APOBEC4: variants seen among roughly 807,000 people sequenced by gnomAD.
APOBEC4 encodes the protein apolipoprotein B mRNA editing enzyme catalytic polypeptide like 4, also known as putative deaminase APOBEC-4.
For synonymous variants in APOBEC4, 141 were observed against 154.2 expected (o/e 0.91, Z 0.63); for missense variants, 375 against 441.2 (o/e 0.85, Z 1.34).
chr1:183,650,281 C>T (rs1240074924), intron 1 of APOBEC4, among the ~76,000 whole-genome samples: 3 of 151,926 alleles, frequency 2.0e-5, no homozygotes, highest in Admixed American at 6.5e-5. Context: ...TGGTGGCTCA[C>T]GCCTATAATC....
chr1:183,649,170 T>C (rs1218124085), intron 1 of APOBEC4, among the ~76,000 whole-genome samples: 1 of 152,246 alleles, frequency 6.6e-6, no homozygotes, highest in Non-Finnish European at 1.5e-5. Flanking sequence ...CACAGATTCC[T>C]TGTCTGTAAA....
At chr1:183,650,108 C>G (rs1442562810) in intron 1 of APOBEC4, among the ~76,000 whole-genome samples, 1 of 152,174 alleles carries the variant, frequency 6.6e-6, no homozygotes, top group African/African-American at 2.4e-5. Context: ...CCACCATGTC[C>G]AGCCTTCCGT....
chr1:183,649,879 A>C (rs1047295387), intron 1 of APOBEC4, among the ~76,000 whole-genome samples: 5 of 152,164 alleles, frequency 3.3e-5, no homozygotes, highest in Admixed American at 2.0e-4. Flanking sequence ...TGAGATGATC[A>C]TGGCTCACTG....
At chr1:183,652,869 G>T (rs909493236) in intron 1 of APOBEC4, among the ~76,000 whole-genome samples, 1 of 152,208 alleles carries the variant, frequency 6.6e-6, no homozygotes, top group Non-Finnish European at 1.5e-5. Context: ...CCTGGACTGG[G>T]ACCGTGGGAG....
intron 1 of APOBEC4, among the ~76,000 whole-genome samples, chr1:183,651,397 T>G (rs1650740621): frequency 6.6e-6 from 1 of 152,222 alleles, no homozygotes; most frequent in Non-Finnish European, 1.5e-5. Flanking sequence ...TGGCCTCTCA[T>G]ATGGAAGTGC....
Position 183,648,080 on chromosome 1 carries a change from G to A in APOBEC4, c.702C>T (p.Gly234=), listed in dbSNP as rs576673661. 13 of 1,614,086 alleles carry A rather than the reference G, an allele frequency of 8.1e-6. No individual in the cohort carries two copies. Among genetic ancestry groups the A allele is most frequent in the South Asian group, 4.4e-5 (4 of 91,088 alleles). ...GAACATCAGTGAAGTAAGGTTTTACGCCTGTTATGGCATTGATTTCATATG... is the reference window on the plus strand; with the variant it reads ...GAACATCAGTGAAGTAAGGTTTTACACCTGTTATGGCATTGATTTCATATG... ...HNAYEINAIT[G]VKPYFTDVLL... Residue 234 remains glycine (G), a synonymous_variant, in exon 2 of 2, where the codon GGC becomes GGT. Coordinates refer to ENST00000308641, the MANE Select transcript of APOBEC4 (RefSeq NM_203454.3).
At chr1:183,652,815 G>A (rs151007730) in intron 1 of APOBEC4, among the ~76,000 whole-genome samples, 1 of 151,846 alleles carries the variant, frequency 6.6e-6, no homozygotes, top group East Asian at 1.9e-4. Flanking sequence ...GATGTGTAGA[G>A]CCCAGCGTGC....
chr1:183,648,402 C>T lies in APOBEC4; in HGVS notation c.380G>A (p.Cys127Tyr). The T allele has an allele frequency of 6.2e-7, 1 of 1,614,190 alleles. No individual in the cohort carries two copies. The highest frequency in any genetic ancestry group is 8.5e-7 in the Non-Finnish European group (1 of 1,180,036). ...GATGCAGCAGTGGTTAGCTTCATTA[C>T]AAGGGGAGTTGTTGGAATACAGAAT... Reference protein sequence around the residue: ...HIILYSNNSPCNEANHCCISK... With the variant: ...HIILYSNNSPYNEANHCCISK... Residue 127 changes from cysteine to tyrosine, a missense_variant, in exon 2 of 2, where the codon TGT becomes TAT. Physicochemically the swap from Cys to Tyr is radical, Grantham distance 194. Transcript: ENST00000308641.
chr1:183,647,011 C>A lies in APOBEC4; in HGVS notation c.*667G>T, dbSNP rs1484433574. 1.3e-5 allele frequency: 2 copies of A among 152,194 alleles called. No individual in the cohort carries two copies. Among genetic ancestry groups the A allele is most frequent in the Non-Finnish European group, 2.9e-5 (2 of 68,046 alleles). The allele number at this position is 152,194 out of a possible 1,614,324, so 9.4% of individuals were successfully genotyped here. On this transcript the variant is annotated 3_prime_UTR_variant, in exon 2 of 2. Transcript: ENST00000308641. ...TTGGATTTTATACAGTATGTGATGACAGGAGCCATTGGAGGTTCTCATGTA... is the reference window on the plus strand; with the variant it reads ...TTGGATTTTATACAGTATGTGATGAAAGGAGCCATTGGAGGTTCTCATGTA...
chr1:183,651,587 T>C (rs927415700), intron 1 of APOBEC4, among the ~76,000 whole-genome samples: 33 of 152,232 alleles, frequency 2.2e-4, no homozygotes, highest in Non-Finnish European at 2.1e-4. Context: ...GTCACCATTA[T>C]CTTAGTGGCT....
intron 1 of APOBEC4, among the ~76,000 whole-genome samples, chr1:183,649,280 G>C (rs1650544467): frequency 6.6e-6 from 1 of 152,198 alleles, no homozygotes; most frequent in South Asian, 2.1e-4. Context: ...ACATAGTAAG[G>C]ACTCAGTAAA....
At chr1:183,649,291 T>C (rs1423087151) in intron 1 of APOBEC4, among the ~76,000 whole-genome samples, 1 of 152,258 alleles carries the variant, frequency 6.6e-6, no homozygotes, top group Admixed American at 6.5e-5. Flanking sequence ...ACTCAGTAAA[T>C]ATTAACTCTT....
At position 183,647,178 on chromosome 1, in the gene APOBEC4, C is replaced by T. The variant is rs1211212933; in HGVS notation, c.*500G>A. 3 of 152,838 alleles carry T rather than the reference C, an allele frequency of 2.0e-5. No homozygotes were observed. The highest frequency in any genetic ancestry group is 1.9e-4 in the Admixed American group (3 of 15,398). The allele number at this position is 152,838 out of a possible 1,614,324, so 9.5% of individuals were successfully genotyped here. On this transcript the variant is annotated 3_prime_UTR_variant, in exon 2 of 2. Coordinates refer to ENST00000308641, the MANE Select transcript of APOBEC4 (RefSeq NM_203454.3). ...TCCCACACAAAACTATTTTGAATCA[C>T]TTTAGAAAAAAATGAGCTGCCTAAA...
In APOBEC4 at chr1:183,648,017, C is replaced by T; in HGVS notation, c.765G>A (p.Gln255=). Residue 255 remains glutamine, a synonymous_variant, in exon 2 of 2, where the codon CAG becomes CAA. Transcript: ENST00000308641. ...TTAAGGGGTAGCTCTCTAAAGCCTC[C>T]TGAGCTTTTGTGTTTGGATTCCTTT... ...QTKRNPNTKA[Q]EALESYPLNN... The T allele has an allele frequency of 1.2e-6, 2 of 1,614,148 alleles. No homozygotes were observed. The highest frequency in any genetic ancestry group is 1.7e-5 in the Admixed American group (1 of 60,022).
At chr1:183,651,143 G>A (rs16861408) in intron 1 of APOBEC4, among the ~76,000 whole-genome samples, 1,974 of 152,120 alleles carry the variant, frequency 0.013, 51 homozygotes, top group African/African-American at 0.046. Flanking sequence ...CTCTACTCCT[G>A]TGATTTTTTT....
chr1:183,648,670 CT>C lies in APOBEC4; in HGVS notation c.111del (p.Gly38ValfsTer34), dbSNP rs762009746. ...DCSNCPYHIR[T>X]GEEARVSLTE... Reference sequence around the variant, plus strand: ...GTGAGGGAAACTCTTGCTTCTTCACCTGTTCGAATATGGTAAGGACAATTAG... The same window carrying C: ...GTGAGGGAAACTCTTGCTTCTTCACCGTTCGAATATGGTAAGGACAATTAG... On this transcript the variant is annotated frameshift_variant, in exon 2 of 2. Transcript: ENST00000308641. LOFTEE classifies it low-confidence loss of function (END_TRUNC). 2 of 1,614,136 alleles carry C rather than the reference CT, an allele frequency of 1.2e-6. No homozygotes were observed. The highest frequency in any genetic ancestry group is 1.7e-6 in the Non-Finnish European group (2 of 1,180,020).
At chr1:183,651,935 G>A (rs1423510621) in intron 1 of APOBEC4, among the ~76,000 whole-genome samples, 1 of 152,118 alleles carries the variant, frequency 6.6e-6, no homozygotes, top group East Asian at 1.9e-4. Flanking sequence ...CCAAAACCAA[G>A]CCCAAACTTT....
chr1:183,651,234 A>G (rs1034036887), intron 1 of APOBEC4, among the ~76,000 whole-genome samples: 1 of 152,070 alleles, frequency 6.6e-6, no homozygotes, highest in Non-Finnish European at 1.5e-5. Context: ...TTATGGTTTC[A>G]TTTTTTACAT....
rs201458108 is a variant in APOBEC4, at chr1:183,647,661, C to A, written c.*17G>T. ...AAGTCCCTTGGTAATTGGTTTCATG[C>A]TGTAGGAATGTAGATTTTATTTCTT... On this transcript the variant is annotated 3_prime_UTR_variant, in exon 2 of 2. Transcript: ENST00000308641. The A allele has an allele frequency of 3.5e-4, 552 of 1,574,574 alleles. No homozygotes were observed. The highest frequency in any genetic ancestry group is 4.5e-4 in the Non-Finnish European group (527 of 1,158,848).
Sources: gnomAD v4.1 joint callset for allele counts (sites outside exome capture counted in the v4.1 genomes callset) on GRCh38, gnomAD v4.1.1 for gene constraint, MANE v1.5 for transcripts, NCBI Gene and HGNC (gene_info 2026-07-23, HGNC 2026-07-21) for gene names.